MARCHF11: variants seen among roughly 807,000 people sequenced by gnomAD.
MARCHF11 encodes E3 ubiquitin-protein ligase MARCHF11.
MARCHF11 carries 29 observed loss-of-function variants against 37.3 expected under a neutral mutation model. That is an observed-to-expected ratio of 0.78 (90% CI 0.58 to 1.06). The LOEUF is 1.06. Ranked by LOEUF, MARCHF11 falls within the 50% of genes least tolerant of loss-of-function variation. The pLI, the probability that MARCHF11 is intolerant of heterozygous loss-of-function variation, is 0.00. For synonymous variants in MARCHF11, 233 were observed against 228.0 expected, an observed-to-expected ratio of 1.02 and a Z score of -0.20; for missense variants, 482 against 533.4, an observed-to-expected ratio of 0.90 and a Z score of 0.95.
chr5:16,157,913 A>C (rs921629960), intron 2 of MARCHF11, among the ~76,000 whole-genome samples: 1 of 152,020 alleles, frequency 6.6e-6, no homozygotes, highest in South Asian at 2.1e-4. Flanking sequence ...GAATGAGAGA[A>C]AATATTTCCA....
Position 16,179,031 on chromosome 5 carries a change from G to A in MARCHF11, c.537+8C>T, listed in dbSNP as rs760778073. 25 of 1,464,654 alleles carry A rather than the reference G, an allele frequency of 1.7e-5. No individual in the cohort carries two copies. The South Asian group carries it at 1.8e-4, about 11-fold the overall frequency. The allele number at this position is 1,464,654 out of a possible 1,614,324, so 90.7% of individuals were successfully genotyped here. On this transcript the variant is annotated splice_region_variant and intron_variant, in intron 1 of 3. Transcript: ENST00000332432. ...CACCGGCTGCCTCGGGGTCTCGCCG[G>A]GCCTTACCTGCTCCGCGCCCTGGAA...
chr5:16,121,879 A>G (rs1737314380), intron 2 of MARCHF11, among the ~76,000 whole-genome samples: 1 of 152,194 alleles, frequency 6.6e-6, no homozygotes, highest in Non-Finnish European at 1.5e-5. Context: ...AGCTGTCCAT[A>G]ATAACAGTGC....
intron 2 of MARCHF11, among the ~76,000 whole-genome samples, chr5:16,128,977 T>C (rs1737466023): frequency 6.6e-6 from 1 of 152,206 alleles, no homozygotes; most frequent in South Asian, 2.1e-4. Context: ...AAAACTGTCT[T>C]TTATTTTGCA....
chr5:16,098,350 G>A (rs563639426), intron 2 of MARCHF11, among the ~76,000 whole-genome samples: 1 of 152,178 alleles, frequency 6.6e-6, no homozygotes, highest in Non-Finnish European at 1.5e-5. Flanking sequence ...GTATAAAGAT[G>A]ATGAAGGAAA....
chr5:16,071,535 G>C (rs1736437511), intron 3 of MARCHF11, among the ~76,000 whole-genome samples: 1 of 152,174 alleles, frequency 6.6e-6, no homozygotes, highest in Non-Finnish European at 1.5e-5. Flanking sequence ...TTTTGAAGTA[G>C]TGTGTTACTT....
At chr5:16,163,376 A>T (rs989649715) in intron 2 of MARCHF11, among the ~76,000 whole-genome samples, 2 of 151,728 alleles carry the variant, frequency 1.3e-5, no homozygotes. Context: ...TCTAGGGATT[A>T]AAAAAAACAT....
chr5:16,113,913 T>C (rs1285620822), intron 2 of MARCHF11, among the ~76,000 whole-genome samples: 1 of 152,200 alleles, frequency 6.6e-6, no homozygotes, highest in African/African-American at 2.4e-5. Context: ...CAAACCTATC[T>C]CTTTGGGAGG....
chr5:16,157,568 C>T (rs1737998089), intron 2 of MARCHF11, among the ~76,000 whole-genome samples: 1 of 151,758 alleles, frequency 6.6e-6, no homozygotes, highest in African/African-American at 2.4e-5. Flanking sequence ...GACAAAGGTT[C>T]AAGAACACAC....
At chr5:16,126,888 A>T (rs906656561) in intron 2 of MARCHF11, among the ~76,000 whole-genome samples, 6 of 152,170 alleles carry the variant, frequency 3.9e-5, no homozygotes, top group African/African-American at 1.4e-4. Context: ...TTTTAGAAGA[A>T]GTCAAATTAA....
chr5:16,133,982 T>C (rs191007166), intron 2 of MARCHF11, among the ~76,000 whole-genome samples: 77 of 152,272 alleles, frequency 5.1e-4, no homozygotes, highest in Non-Finnish European at 9.7e-4. Context: ...CCAAAGGACC[T>C]GTTCAGAAAA....
chr5:16,151,438 C>T (rs1456515842), intron 2 of MARCHF11, among the ~76,000 whole-genome samples: 1 of 151,874 alleles, frequency 6.6e-6, no homozygotes, highest in Non-Finnish European at 1.5e-5. Context: ...CTCACACAAA[C>T]ATTCCTAGAC....
intron 2 of MARCHF11, among the ~76,000 whole-genome samples, chr5:16,149,345 T>C (rs2126596808): frequency 6.6e-6 from 1 of 152,266 alleles, no homozygotes; most frequent in South Asian, 2.1e-4. Flanking sequence ...ATTATGGATG[T>C]TTCCTGGCTG....
intron 3 of MARCHF11, among the ~76,000 whole-genome samples, chr5:16,085,850 T>G (rs950861667): frequency 1.4e-5 from 2 of 140,220 alleles, no homozygotes; most frequent in African/African-American, 5.4e-5. Context: ...TGAGGCAGGA[T>G]AATGGCATGA....
At position 16,067,191 on chromosome 5, in the gene MARCHF11, T is replaced by G. The variant is rs188452514; in HGVS notation, c.*280A>C. On this transcript the variant is annotated 3_prime_UTR_variant, in exon 4 of 4. Coordinates refer to ENST00000332432, the MANE Select transcript of MARCHF11 (RefSeq NM_001102562.3). ...CAAGCAAGAAAAAATAGTTTTGGCC[T>G]TAAGGATAACTTTCATTATTCTTTT... 1.4e-3 allele frequency: 420 copies of G among 298,906 alleles called. No homozygotes were observed. Among genetic ancestry groups the G allele is most frequent in the African/African-American group, 8.3e-3 (381 of 46,096 alleles). 18.5% of individuals were successfully genotyped at this position (298,906 alleles called of 1,614,324 possible).
rs1370131536 is a variant in MARCHF11 at position 16,146,133 on chromosome 5, A to G, written c.693+31593T>C. Among the ~76,000 whole-genome samples the G allele has an allele frequency of 4.5e-4, 69 of 152,218 alleles. 2 individuals carry two copies. The highest frequency in any genetic ancestry group is 4.5e-3 in the Admixed American group (69 of 15,274). On this transcript the variant is annotated intron_variant, in intron 2 of 3. Transcript: ENST00000332432. ...AAATAATCTAAATAACTGAGACATC[A>G]TGTCAACCTCTTCAGTCACGAGTGG...
In MARCHF11 at chr5:16,179,416, C is replaced by T. The variant is rs1738429829; in HGVS notation, c.160G>A (p.Ala54Thr). ...GCGCGCTCGGGGGTCTCGGGGGACG[C>T]GGGCAGCGGCGGCAGGTAGCGCGGG... ...AAPRYLPPLPASPETPERAAG... is the reference protein window; with the variant it reads ...AAPRYLPPLPTSPETPERAAG... Residue 54 changes from alanine to threonine, a missense_variant, in exon 1 of 4, where the codon GCG (alanine) becomes ACG (threonine). By Grantham distance (58) the Ala-to-Thr change is moderately conservative (BLOSUM62 0). Transcript: ENST00000332432. 2 of 1,124,696 alleles carry T rather than the reference C, an allele frequency of 1.8e-6. No homozygotes were observed. Among genetic ancestry groups the T allele is most frequent in the East Asian group, 4.9e-5 (1 of 20,610 alleles). The allele number at this position is 1,124,696 out of a possible 1,614,324, so 69.7% of individuals were successfully genotyped here.
At position 16,179,026 on chromosome 5, in the gene MARCHF11, C is replaced by A; in HGVS notation, c.537+13G>T. On this transcript the variant is annotated intron_variant, in intron 1 of 3. Coordinates refer to ENST00000332432, the MANE Select transcript of MARCHF11 (RefSeq NM_001102562.3). Reference sequence around the variant, plus strand: ...GCCGCCACCGGCTGCCTCGGGGTCTCGCCGGGCCTTACCTGCTCCGCGCCC... The same window carrying A: ...GCCGCCACCGGCTGCCTCGGGGTCTAGCCGGGCCTTACCTGCTCCGCGCCC... The A allele has an allele frequency of 6.9e-7, 1 of 1,448,540 alleles. No individual in the cohort carries two copies. Among genetic ancestry groups the A allele is most frequent in the Non-Finnish European group, 9.0e-7 (1 of 1,105,094 alleles). The allele number at this position is 1,448,540 out of a possible 1,614,324, so 89.7% of individuals were successfully genotyped here. A position where few individuals can be genotyped will look rare whatever the true frequency, so the allele number is the denominator to read the frequency against.
At chr5:16,150,452 A>G (rs949436350) in intron 2 of MARCHF11, among the ~76,000 whole-genome samples, 5 of 149,608 alleles carry the variant, frequency 3.3e-5, no homozygotes, top group Non-Finnish European at 1.5e-5. Context: ...AATGGCCTCC[A>G]TGGGCAAGCC....
intron 3 of MARCHF11, among the ~76,000 whole-genome samples, chr5:16,068,412 T>G (rs1454017901): frequency 6.6e-6 from 1 of 152,194 alleles, no homozygotes; most frequent in East Asian, 1.9e-4. Context: ...GTACTAGCAC[T>G]TACCCCGTTT....
Sources: allele counts gnomAD v4.1 joint callset (sites outside exome capture counted in the v4.1 genomes callset), GRCh38; gene constraint gnomAD v4.1.1; transcripts MANE v1.5; gene names NCBI Gene and HGNC (gene_info 2026-07-23, HGNC 2026-07-21).